P2RX5: variants seen among roughly 807,000 people sequenced by gnomAD.
The protein encoded by P2RX5 is purinergic receptor P2X 5.
A neutral mutation model predicts 54.1 loss-of-function variants in P2RX5; 46 were observed. That is an observed-to-expected ratio of 0.85 (90% CI 0.67 to 1.09). P2RX5 has a LOEUF of 1.09. Ranked by LOEUF, P2RX5 falls within the 50% of genes least tolerant of loss-of-function variation. The probability of loss-of-function intolerance (pLI) is 0.00; values close to 1 mark genes in which losing one functional copy is unlikely to be tolerated. For synonymous variants in P2RX5, 226 were observed against 226.4 expected (o/e 1.00, Z 0.02); for missense variants, 566 against 549.8 (o/e 1.03, Z -0.29).
chr17:3,696,092 G>A lies in P2RX5; in HGVS notation c.-87C>T. On this transcript the variant is annotated 5_prime_UTR_variant, in exon 1 of 12. Coordinates refer to ENST00000225328, the MANE Select transcript of P2RX5 (RefSeq NM_002561.4). Reference sequence around the variant, plus strand: ...GTCCCTCGGTCCCTGCGCGCCCGGCGCCCGCCTCGGCCCGTCTGCGCCCGC... The same window carrying A: ...GTCCCTCGGTCCCTGCGCGCCCGGCACCCGCCTCGGCCCGTCTGCGCCCGC... The A allele has an allele frequency of 2.2e-6, 3 of 1,378,800 alleles. No homozygotes were observed. The highest frequency in any genetic ancestry group is 2.9e-6 in the Non-Finnish European group (3 of 1,047,008). 85.4% of individuals were successfully genotyped at this position (1,378,800 alleles called of 1,614,324 possible).
Position 3,688,894 on chromosome 17 carries a change from C to T in P2RX5, c.754-135G>A. On this transcript the variant is annotated intron_variant, in intron 7 of 11. Coordinates refer to ENST00000225328, the MANE Select transcript of P2RX5 (RefSeq NM_002561.4). ...AGGTCAGCCCCTCGAGACCACCCTC[C>T]AGGAGGCTTAGTCCCCCCATGGAGC... 5 of 935,588 alleles carry T rather than the reference C, an allele frequency of 5.3e-6. No homozygotes were observed. The South Asian group carries it at 6.7e-5, about 13-fold the overall frequency. The allele number at this position is 935,588 out of a possible 1,614,324, so 58.0% of individuals were successfully genotyped here. A position where few individuals can be genotyped will look rare whatever the true frequency, so the allele number is the denominator to read the frequency against.
chr17:3,693,760 TAAAAATTG>T (rs747248308), intron 1 of P2RX5, among the ~76,000 whole-genome samples: 19 of 151,056 alleles, frequency 1.3e-4, no homozygotes, highest in African/African-American at 3.9e-4. Flanking sequence ...TAATAATAAT[TAAAAATTG>T]AAAAATTGAA....
the P2RX5 span, chr17:3,717,384 T>C: frequency 1.3e-5 from 2 of 152,368 alleles, no homozygotes; most frequent in African/African-American, 4.8e-5. Context: ...ATTATATCCA[T>C]GTGTACTACT....
At chr17:3,689,935 C>T in intron 6 of P2RX5, 135 bp downstream of exon 6, 2 of 889,470 alleles carry the variant, frequency 2.2e-6, no homozygotes, top group Admixed American at 1.7e-5. Flanking sequence ...CGCACACACG[C>T]ACACACGCGA....
At position 3,691,110 on chromosome 17, in the gene P2RX5, C is replaced by T. The variant is rs373406681; in HGVS notation, c.289-83G>A. On this transcript the variant is annotated intron_variant, in intron 2 of 11. Coordinates refer to ENST00000225328, the MANE Select transcript of P2RX5 (RefSeq NM_002561.4). ...CTTTCCAGCGTTACCTGAAAGAGGG[C>T]GGTCCCTCTGCCTGGGTTTTGGGGA... 264 of 1,036,706 alleles carry T rather than the reference C, an allele frequency of 2.5e-4. 3 individuals carry two copies. The South Asian group carries it at 3.2e-3, about 13-fold the overall frequency. The allele number at this position is 1,036,706 out of a possible 1,614,324, so 64.2% of individuals were successfully genotyped here.
intron 2 of P2RX5, among the ~76,000 whole-genome samples, 170 bp from the exon 3 acceptor site, chr17:3,691,197 T>C (rs549377838): frequency 1.3e-4 from 20 of 152,212 alleles, no homozygotes; most frequent in African/African-American, 4.8e-4. Context: ...AGTCCCCAGG[T>C]AGATGTCCAT....
At chr17:3,716,652 G>A in the P2RX5 span, 2 of 1,247,826 alleles carry the variant, frequency 1.6e-6, no homozygotes, top group Non-Finnish European at 2.4e-6. Context: ...CTAGAGCCCA[G>A]TCTTCCCTCA....
chr17:3,710,793 C>T, the P2RX5 span, among the ~76,000 whole-genome samples: 232 of 149,398 alleles, frequency 1.6e-3, no homozygotes, highest in African/African-American at 5.4e-3. Context: ...TTGGGCGTGG[C>T]GGCATGCACC....
chr17:3,712,889 G>C, the P2RX5 span, among the ~76,000 whole-genome samples: 1 of 152,176 alleles, frequency 6.6e-6, no homozygotes, highest in Non-Finnish European at 1.5e-5. Context: ...GTTGCAGTGA[G>C]CAGAGATCAC....
chr17:3,701,994 G>A, the P2RX5 span, among the ~76,000 whole-genome samples: 3 of 152,028 alleles, frequency 2.0e-5, no homozygotes, highest in African/African-American at 7.2e-5. Context: ...GGTTAGGCTG[G>A]TCTCGAACTC....
the P2RX5 span, among the ~76,000 whole-genome samples, chr17:3,704,037 G>T: frequency 6.6e-6 from 1 of 152,186 alleles, no homozygotes; most frequent in African/African-American, 2.4e-5. Context: ...AGGAGGCAGA[G>T]GTTGTGGTGA....
intron 11 of P2RX5, among the ~76,000 whole-genome samples, chr17:3,678,546 C>G (rs1597695488): frequency 6.6e-6 from 1 of 152,324 alleles, no homozygotes; most frequent in East Asian, 1.9e-4. Context: ...CCCATACGGA[C>G]CCCTAGCCTC....
chr17:3,685,716 C>CCG (rs1183439935), intron 9 of P2RX5: 3 of 36,954 alleles, frequency 8.1e-5, no homozygotes, highest in African/African-American at 1.5e-4. Context: ...CCAACGTCCC[C>CCG]CTCCCAGCCT....
At chr17:3,680,210 AC>A (rs2050216793) in intron 10 of P2RX5, among the ~76,000 whole-genome samples, 1 of 128,744 alleles carries the variant, frequency 7.8e-6, no homozygotes, top group Admixed American at 7.7e-5. Context: ...TGCATCCTCC[AC>A]CCTGCATCCT....
At chr17:3,691,562 T>C in intron 2 of P2RX5, 82 bp downstream of exon 2, 1 of 1,550,574 alleles carries the variant, frequency 6.4e-7, no homozygotes, top group Non-Finnish European at 8.9e-7. Flanking sequence ...GGTCCCTGCG[T>C]ATCCAAGAAG....
chr17:3,675,683 C>T, intron 11 of P2RX5: 1 of 636,596 alleles, frequency 1.6e-6, no homozygotes, highest in Middle Eastern at 7.9e-4. Flanking sequence ...TCCCGAGTAG[C>T]TGGGACTACA....
the P2RX5 span, chr17:3,720,249 G>A: frequency 5.0e-6 from 4 of 805,948 alleles, no homozygotes; most frequent in South Asian, 1.4e-5. Flanking sequence ...CTGTGGAGGT[G>A]CTCAAAGGTT....
At position 3,690,942 on chromosome 17, in the gene P2RX5, T is replaced by C. The variant is rs2050598516; in HGVS notation, c.360+14A>G. ...TCTCCCACCCCCACGCCAGGGCCCC[T>C]CGCCAAATCAAACCTCAGCACAGAC... On this transcript the variant is annotated intron_variant, in intron 3 of 11. Coordinates refer to ENST00000225328, the MANE Select transcript of P2RX5 (RefSeq NM_002561.4). The C allele has an allele frequency of 2.5e-6, 4 of 1,609,742 alleles. No individual in the cohort carries two copies. Among genetic ancestry groups the C allele is most frequent in the Admixed American group, 1.7e-5 (1 of 59,560 alleles).
At chr17:3,684,016 A>G (rs955600592) in intron 9 of P2RX5, among the ~76,000 whole-genome samples, 1 of 152,212 alleles carries the variant, frequency 6.6e-6, no homozygotes, top group East Asian at 1.9e-4. Flanking sequence ...TGGGAAAGGG[A>G]CCTGCCGGGA....
Sources: allele counts gnomAD v4.1 joint callset (sites outside exome capture counted in the v4.1 genomes callset), GRCh38; gene constraint gnomAD v4.1.1; transcripts MANE v1.5; gene names NCBI Gene and HGNC (gene_info 2026-07-23, HGNC 2026-07-21).